PSMF1: variants seen among roughly 807,000 people sequenced by gnomAD.
PSMF1 encodes proteasome inhibitor PI31 subunit.
In PSMF1, 30 loss-of-function variants were observed where a neutral mutation model predicts 29.3. The ratio of observed to expected loss-of-function variants is 1.02; its 90% CI spans 0.77 to 1.39. The LOEUF (loss-of-function observed/expected upper bound fraction) is 1.39, where lower values mean the gene tolerates loss of function less well. PSMF1 is among the 40% of genes most tolerant of loss of function. The pLI is 0.00. For synonymous variants in PSMF1, 134 were observed against 139.7 expected (o/e 0.96, Z 0.29); for missense variants, 344 against 357.5 (o/e 0.96, Z 0.31).
chr20:1,140,166 C>G (rs1781592873), intron 4 of PSMF1, among the ~76,000 whole-genome samples: 1 of 152,012 alleles, frequency 6.6e-6, no homozygotes, highest in African/African-American at 2.4e-5. Flanking sequence ...CAAAGAAAAA[C>G]AAAGTTGAAA....
At chr20:1,133,555 G>GTGTGTATA (rs60728448) in intron 3 of PSMF1, among the ~76,000 whole-genome samples, 5 of 53,988 alleles carry the variant, frequency 9.3e-5, no homozygotes, top group African/African-American at 1.9e-4. Context: ...CTATATATGT[G>GTGTGTATA]TATATATATA....
chr20:1,133,569 A>ATATATATATATATATATATTTATTTT, intron 3 of PSMF1, among the ~76,000 whole-genome samples: 1 of 53,288 alleles, frequency 1.9e-5, no homozygotes, highest in African/African-American at 5.6e-5. Context: ...ATATATATAT[A>ATATATATATATATATATATTTATTTT]TTTTTTTTTT....
intron 4 of PSMF1, among the ~76,000 whole-genome samples, chr20:1,136,606 T>C (rs2086310042): frequency 6.6e-6 from 1 of 152,132 alleles, no homozygotes; most frequent in Admixed American, 6.5e-5. Context: ...TAACATAAAT[T>C]AGAAAAAGAG....
chr20:1,155,512 C>A (rs6074191), intron 4 of PSMF1, among the ~76,000 whole-genome samples: 63,803 of 151,990 alleles, frequency 0.42, 13,749 homozygotes, highest in East Asian at 0.71. Context: ...CAGCTTTCTG[C>A]TCAGAGGACC....
chr20:1,115,798 T>C (rs2086005357), upstream of PSMF1, among the ~76,000 whole-genome samples: 1 of 151,502 alleles, frequency 6.6e-6, no homozygotes, highest in African/African-American at 2.4e-5. Context: ...AGTGGCTTGA[T>C]CTCGGCTCAC....
intron 2 of PSMF1, 161 bp from the exon 3 acceptor site, chr20:1,127,265 C>G (rs765302837): frequency 1.2e-5 from 9 of 775,430 alleles, no homozygotes; most frequent in Middle Eastern, 4.5e-4. Context: ...AGAGAAGTCT[C>G]CAAGCCTTAG....
chr20:1,134,277 T>C (rs1423626507), intron 3 of PSMF1, among the ~76,000 whole-genome samples: 1 of 152,162 alleles, frequency 6.6e-6, no homozygotes, highest in Non-Finnish European at 1.5e-5. Flanking sequence ...TATTTTCGTA[T>C]GTTTTTATTT....
rs1330152207 is a variant in PSMF1 at position 1,164,025 on chromosome 20, A to T, written c.606-293A>T. On this transcript the variant is annotated intron_variant, in intron 5 of 6. Transcript: ENST00000335877. The surrounding 1 kb of genome is among the most constrained non-coding windows in gnomAD (Gnocchi z 4.1). ...CTTGATCAAGTTGGCCCTCTTGAGT[A>T]TATGATATGGCAGGGATCTCAATTT... Among the ~76,000 whole-genome samples the T allele has an allele frequency of 6.6e-6, 1 of 152,186 alleles. No homozygotes were observed. Among genetic ancestry groups the T allele is most frequent in the Non-Finnish European group, 1.5e-5 (1 of 68,022 alleles).
intron 1 of PSMF1, among the ~76,000 whole-genome samples, chr20:1,124,263 T>A (rs2086125420): frequency 6.6e-6 from 1 of 152,152 alleles, no homozygotes; most frequent in South Asian, 2.1e-4. Context: ...TTGAGAACTA[T>A]TTCTCAAACT....
At chr20:1,150,296 A>G (rs1290950280) in intron 4 of PSMF1, among the ~76,000 whole-genome samples, 1 of 152,178 alleles carries the variant, frequency 6.6e-6, no homozygotes, top group Non-Finnish European at 1.5e-5. Flanking sequence ...TTCATCAAGT[A>G]CATTCTAAAG....
intron 4 of PSMF1, among the ~76,000 whole-genome samples, chr20:1,140,716 G>A (rs1483821058): frequency 6.6e-6 from 1 of 152,176 alleles, no homozygotes; most frequent in East Asian, 1.9e-4. Context: ...CTGACAAGAA[G>A]CTTGTATCCA....
chr20:1,118,687 G>A lies in PSMF1; in HGVS notation c.-87G>A, dbSNP rs913116279. Reference sequence around the variant, plus strand: ...CAAGAACCAGCGCAAGAGGGAAGCAGAGTTATAGCTACCCCGGCCGCGGAG... The same window carrying A: ...CAAGAACCAGCGCAAGAGGGAAGCAAAGTTATAGCTACCCCGGCCGCGGAG... On this transcript the variant is annotated 5_prime_UTR_variant, in exon 1 of 7. Transcript: ENST00000335877. 14 of 1,454,020 alleles carry A rather than the reference G, an allele frequency of 9.6e-6. No homozygotes were observed. The highest frequency in any genetic ancestry group is 2.3e-5 in the East Asian group (1 of 43,204). The allele number at this position is 1,454,020 out of a possible 1,614,324, so 90.1% of individuals were successfully genotyped here. A position where few individuals can be genotyped will look rare whatever the true frequency, so the allele number is the denominator to read the frequency against.
intron 3 of PSMF1, among the ~76,000 whole-genome samples, chr20:1,129,759 A>C (rs1194774293): frequency 6.6e-6 from 1 of 152,254 alleles, no homozygotes; most frequent in African/African-American, 2.4e-5. Context: ...TGCAGCCACT[A>C]TGGAAAACAA....
At chr20:1,149,184 A>G (rs1568477329) in intron 4 of PSMF1, among the ~76,000 whole-genome samples, 1 of 152,226 alleles carries the variant, frequency 6.6e-6, no homozygotes. Context: ...AAAAAAGAGG[A>G]CTAGTTTAAT....
Position 1,125,643 on chromosome 20 carries a change from A to G in PSMF1, c.275A>G (p.Asn92Ser), listed in dbSNP as rs1263366006. ...ACCGTGGAGAGCAGCATGATCCTCA[A>G]TGTGCTGGTGAGTCTCTGGGACACG... Reference protein sequence around the residue: ...AITVESSMILNVLEYGSQQVA... With the variant: ...AITVESSMILSVLEYGSQQVA... The change falls in exon 2 of 7, where the codon AAT (asparagine) becomes AGT (serine). Residue 92 changes from asparagine to serine, a missense_variant. Transcript: ENST00000335877. 6.8e-6 allele frequency: 11 copies of G among 1,611,814 alleles called. No homozygotes were observed. The highest frequency in any genetic ancestry group is 1.7e-5 in the Admixed American group (1 of 59,704).
intron 4 of PSMF1, among the ~76,000 whole-genome samples, chr20:1,139,243 G>A (rs554901335): frequency 6.6e-6 from 1 of 152,074 alleles, no homozygotes; most frequent in Non-Finnish European, 1.5e-5. Flanking sequence ...CCAATAAAGA[G>A]CATCTACAAA....
At position 1,166,302 on chromosome 20, in the gene PSMF1, G is replaced by T. The variant is rs748858511; in HGVS notation, c.*1222G>T. ...AGAGCACGATAGAGCACCAGGCTAAGAGGCACGAGATCAAGGCGGTAGTCA... is the reference window on the plus strand; with the variant it reads ...AGAGCACGATAGAGCACCAGGCTAATAGGCACGAGATCAAGGCGGTAGTCA... On this transcript the variant is annotated 3_prime_UTR_variant, in exon 7 of 7. Coordinates refer to ENST00000335877, the MANE Select transcript of PSMF1 (RefSeq NM_006814.5). The T allele has an allele frequency of 6.3e-7, 1 of 1,581,836 alleles. No individual in the cohort carries two copies. Among genetic ancestry groups the T allele is most frequent in the Admixed American group, 1.7e-5 (1 of 59,222 alleles).
intron 3 of PSMF1, 97 bp from the exon 4 acceptor site, chr20:1,135,024 A>G (rs1223462339): frequency 3.2e-6 from 4 of 1,260,404 alleles, no homozygotes; most frequent in Admixed American, 3.6e-5. Context: ...GCCAGGAGCT[A>G]TCAGGGCCGC....
Position 1,118,885 on chromosome 20 carries a change from T to C in PSMF1, c.112T>C (p.Leu38=). The change falls in exon 1 of 7, where the codon TTG becomes CTG. Residue 38 remains leucine (L), a synonymous_variant. Transcript: ENST00000335877. ...AGTGGTGACACACGGTTACTTCGGC[T>C]TGGGTGTCGGTGACCAGGTACGCCA... is the stretch of plus-strand genomic sequence containing the variant. The part of the protein sequence containing the change: ...WEVVTHGYFG[L]GVGDQPGPND... 6.2e-7 allele frequency: 1 copy of C among 1,614,042 alleles called. No individual in the cohort carries two copies. The highest frequency in any genetic ancestry group is 1.7e-5 in the Admixed American group (1 of 60,024).
Sources: gnomAD v4.1 joint callset for allele counts (sites outside exome capture counted in the v4.1 genomes callset) on GRCh38, gnomAD v4.1.1 for gene constraint, Gnocchi (gnomAD v3.1) non-coding constraint, MANE v1.5 for transcripts, NCBI Gene and HGNC (gene_info 2026-07-23, HGNC 2026-07-21) for gene names.